The following CTNNA2 variants were observed in gnomAD, a reference collection of about 807,000 sequenced individuals.
The protein encoded by CTNNA2 is catenin alpha 2.
A neutral mutation model predicts 101.0 loss-of-function variants in CTNNA2; 42 were observed. The ratio of observed to expected loss-of-function variants is 0.42; its 90% CI spans 0.32 to 0.54. The LOEUF is 0.54. Among genes scored for constraint, CTNNA2 ranks in the 20% least tolerant of loss-of-function variants. CTNNA2 has a pLI of 0.14. For missense variants in CTNNA2, 871 were observed against 1,223.1 expected, an observed-to-expected ratio of 0.71 and a Z score of 4.29; for synonymous variants, 450 against 456.4, an observed-to-expected ratio of 0.99 and a Z score of 0.18.
In CTNNA2 at chr2:79,744,242, G is replaced by A. The variant is rs142740316; in HGVS notation, c.103-145G>A. 4.0e-4 allele frequency: 270 copies of A among 667,186 alleles called. 5 individuals are homozygous for A. In the African/African-American group the frequency reaches 4.5e-3, roughly 11 times the overall value. 41.3% of individuals were successfully genotyped at this position (667,186 alleles called of 1,614,324 possible). A position where few individuals can be genotyped will look rare whatever the true frequency, so the allele number is the denominator to read the frequency against. On this transcript the variant is annotated intron_variant, in intron 2 of 18. Transcript: ENST00000402739. ...TTCACACTTTCCTTGATAAGGTTAT[G>A]TGAGGAGGCTAAGTGATGTGCATTC...
rs563539266 is a variant in CTNNA2, at chr2:80,082,425, C to A, written c.1056+172628C>A. Among the ~76,000 whole-genome samples, 5 of 152,210 alleles carry A rather than the reference C, an allele frequency of 3.3e-5. No individual in the cohort carries two copies. In the East Asian group the frequency reaches 9.7e-4, roughly 29 times the overall value. ...AACAAATACATGAAACAGTACATTT[C>A]ACCAAGGAATTTACAATCTAAGAAG... is the stretch of plus-strand genomic sequence containing the variant. On this transcript the variant is annotated intron_variant, in intron 7 of 18. Transcript: ENST00000402739.
intron 7 of CTNNA2, among the ~76,000 whole-genome samples, chr2:79,995,152 A>G (rs1692457218): frequency 1.3e-5 from 2 of 152,278 alleles, no homozygotes; most frequent in Non-Finnish European, 1.5e-5. Context: ...TTGGCAATGC[A>G]ATTATCTCAG....
At chr2:79,968,841 T>C (rs1038262624) in intron 7 of CTNNA2, among the ~76,000 whole-genome samples, 23 of 152,098 alleles carry the variant, frequency 1.5e-4, no homozygotes, top group African/African-American at 5.5e-4. Context: ...TTTTTTTTTT[T>C]ACTTTGAATC....
At chr2:79,899,635 C>A (rs949145962) in intron 6 of CTNNA2, among the ~76,000 whole-genome samples, 4 of 152,190 alleles carry the variant, frequency 2.6e-5, no homozygotes, top group African/African-American at 9.6e-5. Flanking sequence ...AAGTCATTAT[C>A]TTTGTCATTT....
intron 2 of CTNNA2, among the ~76,000 whole-genome samples, chr2:79,670,115 G>A (rs1449135529): frequency 6.6e-6 from 1 of 152,194 alleles, no homozygotes; most frequent in East Asian, 1.9e-4. Flanking sequence ...CCCCAGTCCT[G>A]TGCCTGGGAG....
intron 7 of CTNNA2, among the ~76,000 whole-genome samples, chr2:80,210,786 G>A (rs1293188002): frequency 2.6e-5 from 4 of 152,132 alleles, no homozygotes; most frequent in African/African-American, 4.8e-5. Context: ...TTGAGGAATC[G>A]CCACAGTGTC....
intron 11 of CTNNA2, among the ~76,000 whole-genome samples, chr2:80,554,143 C>T (rs971588025): frequency 6.6e-6 from 1 of 152,140 alleles, no homozygotes; most frequent in African/African-American, 2.4e-5. Flanking sequence ...ATTTTCTATC[C>T]TGTGTCCTAA....
At chr2:80,408,794 C>A (rs769032063) in intron 8 of CTNNA2, among the ~76,000 whole-genome samples, 48 of 152,158 alleles carry the variant, frequency 3.2e-4, no homozygotes, top group Non-Finnish European at 6.3e-4. Flanking sequence ...TGAACTTCAA[C>A]AGCCAGGTCC....
At chr2:80,247,688 T>A (rs1484829462) in intron 7 of CTNNA2, among the ~76,000 whole-genome samples, 1 of 152,234 alleles carries the variant, frequency 6.6e-6, no homozygotes, top group African/African-American at 2.4e-5. Context: ...CTCTGTGCTA[T>A]CTTTCTTGGG....
rs111614133 is a variant in CTNNA2 at position 79,545,336 on chromosome 2, A to C, written c.-6+32129A>C. Among the ~76,000 whole-genome samples the C allele has an allele frequency of 2.1e-3, 317 of 152,294 alleles. 2 individuals are homozygous for C. The highest frequency in any genetic ancestry group is 7.1e-3 in the African/African-American group (296 of 41,564). On this transcript the variant is annotated intron_variant, in intron 1 of 18. Transcript: ENST00000402739. ...CTGTCCATAGGCTCAGTTGAGTTAC[A>C]GTAAGAGGACCTAGGTTACAAAATG...
intron 3 of CTNNA2, among the ~76,000 whole-genome samples, chr2:79,807,269 T>G (rs1461885772): frequency 6.6e-6 from 1 of 152,212 alleles, no homozygotes; most frequent in Non-Finnish European, 1.5e-5. Context: ...AATGTTCTTA[T>G]CCCTTGTTTC....
chr2:80,366,053 A>G (rs1674903357), intron 7 of CTNNA2, among the ~76,000 whole-genome samples: 1 of 152,140 alleles, frequency 6.6e-6, no homozygotes, highest in Admixed American at 6.5e-5. Context: ...TAGGGAAGGT[A>G]ATGGGATTAG....
rs146972466 is a variant in CTNNA2 at position 79,543,671 on chromosome 2, A to G, written c.-6+30464A>G. Among the ~76,000 whole-genome samples, 75 of 152,278 alleles carry G rather than the reference A, an allele frequency of 4.9e-4. 1 individual carries two copies. Among genetic ancestry groups the G allele is most frequent in the Admixed American group, 2.0e-3 (31 of 15,290 alleles). ...CAGATCATTTAATAGATGATTATAT[A>G]TGAAAATATGATTTATAATGAAAAT... is the stretch of plus-strand genomic sequence containing the variant. On this transcript the variant is annotated intron_variant, in intron 1 of 18. Transcript: ENST00000402739.
chr2:79,813,230 G>A (rs1469852513), intron 3 of CTNNA2, among the ~76,000 whole-genome samples: 1 of 152,150 alleles, frequency 6.6e-6, no homozygotes, highest in African/African-American at 2.4e-5. Flanking sequence ...CACACTCCTT[G>A]CTTAACTTCA....
intron 3 of CTNNA2, among the ~76,000 whole-genome samples, chr2:79,788,570 T>A (rs11899110): frequency 0.18 from 26,858 of 152,176 alleles, 4,147 homozygotes; most frequent in African/African-American, 0.4. Flanking sequence ...TGGACTTAAC[T>A]GGAAAGGTTA....
intron 7 of CTNNA2, among the ~76,000 whole-genome samples, chr2:80,089,920 C>G (rs1456436366): frequency 2.6e-5 from 4 of 152,002 alleles, no homozygotes; most frequent in Non-Finnish European, 5.9e-5. Context: ...CCAGCTCTCC[C>G]CAGTTCTCTG....
chr2:79,588,977 A>C (rs983294464), intron 1 of CTNNA2, among the ~76,000 whole-genome samples: 1 of 152,194 alleles, frequency 6.6e-6, no homozygotes, highest in African/African-American at 2.4e-5. Context: ...CATTTGGAGG[A>C]CTAACCAGGC....
chr2:80,104,819 C>T (rs1021388402), intron 7 of CTNNA2, among the ~76,000 whole-genome samples: 2 of 152,108 alleles, frequency 1.3e-5, no homozygotes, highest in African/African-American at 4.8e-5. Context: ...TTTTTAAACC[C>T]TTGGGTAGCT....
chr2:79,779,355 G>A (rs924686130), intron 3 of CTNNA2, among the ~76,000 whole-genome samples: 2 of 152,102 alleles, frequency 1.3e-5, no homozygotes, highest in Non-Finnish European at 2.9e-5. Flanking sequence ...GGCAGTGGGG[G>A]TGAGAGCAGG....
Sources: gnomAD v4.1 joint callset for allele counts (sites outside exome capture counted in the v4.1 genomes callset) on GRCh38, gnomAD v4.1.1 for gene constraint, MANE v1.5 for transcripts, NCBI Gene and HGNC (gene_info 2026-07-23, HGNC 2026-07-21) for gene names.